The following C3orf70 variants were observed in gnomAD, a reference collection of about 807,000 sequenced individuals.
The protein encoded by C3orf70 is UPF0524 protein C3orf70.
Under a neutral mutation model 20.7 loss-of-function variants are expected in C3orf70, and 15 were observed. That is an observed-to-expected ratio of 0.72 (90% CI 0.48 to 1.11). The LOEUF is 1.11. Ranked by LOEUF, C3orf70 falls within the 50% of genes most tolerant of loss-of-function variation. The pLI, the probability that C3orf70 is intolerant of heterozygous loss-of-function variation, is 0.00. For synonymous variants in C3orf70, 161 were observed against 125.7 expected, an observed-to-expected ratio of 1.28 and a Z score of -1.88; for missense variants, 332 against 317.6, an observed-to-expected ratio of 1.05 and a Z score of -0.34.
intron 1 of C3orf70, among the ~76,000 whole-genome samples, chr3:185,140,114 T>C (rs1281957740): frequency 1.3e-5 from 2 of 152,228 alleles, no homozygotes; most frequent in Non-Finnish European, 2.9e-5. Flanking sequence ...GCCCTCGGTA[T>C]TCATGGGTTT....
chr3:185,147,189 A>T (rs193208303), intron 1 of C3orf70, among the ~76,000 whole-genome samples: 277 of 152,106 alleles, frequency 1.8e-3, no homozygotes, highest in African/African-American at 6.5e-3. Context: ...CCTGCTTTCA[A>T]CCTGAAACAG....
At chr3:185,109,472 G>A (rs1716017248) in intron 1 of C3orf70, among the ~76,000 whole-genome samples, 2 of 152,112 alleles carry the variant, frequency 1.3e-5, no homozygotes, top group African/African-American at 4.8e-5. Context: ...GCCATGTCGA[G>A]GCTGATGCTG....
At chr3:185,112,633 T>G (rs1716097192) in intron 1 of C3orf70, among the ~76,000 whole-genome samples, 1 of 152,340 alleles carries the variant, frequency 6.6e-6, no homozygotes, top group Admixed American at 6.5e-5. Flanking sequence ...ATGAAATATC[T>G]TTCTCACACA....
At chr3:185,111,967 T>C (rs143429266) in intron 1 of C3orf70, among the ~76,000 whole-genome samples, 8 of 152,214 alleles carry the variant, frequency 5.3e-5, no homozygotes, top group East Asian at 3.9e-4. Context: ...AACAAAGAGA[T>C]AGAAAATACT....
intron 1 of C3orf70, among the ~76,000 whole-genome samples, chr3:185,114,461 C>A (rs1182028684): frequency 6.6e-6 from 1 of 152,022 alleles, no homozygotes; most frequent in African/African-American, 2.4e-5. Flanking sequence ...CTAAGAAGCC[C>A]AGCTCAAGGT....
chr3:185,107,376 T>A (rs947906398), intron 1 of C3orf70, among the ~76,000 whole-genome samples: 1 of 152,130 alleles, frequency 6.6e-6, no homozygotes, highest in African/African-American at 2.4e-5. Context: ...TCCAGAACAA[T>A]TATATAGCCC....
At chr3:185,118,044 T>C (rs1215453828) in intron 1 of C3orf70, among the ~76,000 whole-genome samples, 1 of 152,206 alleles carries the variant, frequency 6.6e-6, no homozygotes, top group East Asian at 1.9e-4. Context: ...TTTACAATTT[T>C]TTGTGATTAT....
At chr3:185,093,504 G>A (rs1193583267) in intron 1 of C3orf70, among the ~76,000 whole-genome samples, 1 of 152,156 alleles carries the variant, frequency 6.6e-6, no homozygotes, top group Non-Finnish European at 1.5e-5. Flanking sequence ...ATTTTAACAA[G>A]CAACCACCAG....
At position 185,152,211 on chromosome 3, in the gene C3orf70, G is replaced by T. The variant is rs553292825; in HGVS notation, c.196+417C>A. Among the ~76,000 whole-genome samples the T allele has an allele frequency of 4.7e-4, 71 of 152,292 alleles. 2 individuals carry two copies. The South Asian group carries it at 0.015, about 32-fold the overall frequency. On this transcript the variant is annotated intron_variant, in intron 1 of 1. Coordinates refer to ENST00000335012, the MANE Select transcript of C3orf70 (RefSeq NM_001025266.3). The stretch of plus-strand genomic sequence containing the variant: ...ACAAAAGTGAGAAAGAAAAAGAGGA[G>T]CATCTTTAACCAGCAACCTTGAAAA...
In C3orf70 at chr3:185,146,169, T is replaced by C. The variant is rs549016305; in HGVS notation, c.196+6459A>G. Among the ~76,000 whole-genome samples the C allele has an allele frequency of 2.6e-5, 4 of 152,336 alleles. No individual in the cohort carries two copies. In the South Asian group the frequency reaches 6.2e-4, roughly 24 times the overall value. On this transcript the variant is annotated intron_variant, in intron 1 of 1. Transcript: ENST00000335012. ...TCTGGAAGAACCTATCAGCGTTCTCTATCTCTGGAAGAGCTTTGAGGAAAC... is the reference window on the plus strand; with the variant it reads ...TCTGGAAGAACCTATCAGCGTTCTCCATCTCTGGAAGAGCTTTGAGGAAAC...
chr3:185,142,990 T>C (rs1046883470), intron 1 of C3orf70, among the ~76,000 whole-genome samples: 1 of 152,192 alleles, frequency 6.6e-6, no homozygotes, highest in African/African-American at 2.4e-5. Context: ...TAAAGTTACC[T>C]AACAATAAAA....
intron 1 of C3orf70, among the ~76,000 whole-genome samples, chr3:185,119,171 T>C (rs1057064346): frequency 1.3e-5 from 2 of 152,166 alleles, no homozygotes; most frequent in Non-Finnish European, 2.9e-5. Context: ...TGACTACACA[T>C]TTGCCCACAT....
chr3:185,091,864 T>TTA (rs71162280), intron 1 of C3orf70, among the ~76,000 whole-genome samples: 8,965 of 124,438 alleles, frequency 0.072, 611 homozygotes, highest in South Asian at 0.12. Context: ...ATGTATTATA[T>TTA]TATATATATA....
At chr3:185,142,606 T>G (rs1256985650) in intron 1 of C3orf70, among the ~76,000 whole-genome samples, 3 of 152,184 alleles carry the variant, frequency 2.0e-5, no homozygotes, top group African/African-American at 7.2e-5. Flanking sequence ...CAGCCAATAC[T>G]AAAATCACTG....
At chr3:185,143,018 G>A (rs2108606707) in intron 1 of C3orf70, among the ~76,000 whole-genome samples, 1 of 152,236 alleles carries the variant, frequency 6.6e-6, no homozygotes, top group South Asian at 2.1e-4. Flanking sequence ...TATGAATCTT[G>A]ATTGACCCCT....
intron 1 of C3orf70, 86 bp from the exon 2 acceptor site, chr3:185,083,649 T>C: frequency 8.8e-7 from 1 of 1,138,156 alleles, no homozygotes; most frequent in Non-Finnish European, 1.2e-6. Flanking sequence ...ACTCAATGTC[T>C]TTAAAAATAT....
At position 185,152,757 on chromosome 3, in the gene C3orf70, C is replaced by A; in HGVS notation, c.67G>T (p.Ala23Ser). The A allele has an allele frequency of 1.3e-6, 2 of 1,591,212 alleles. No homozygotes were observed. The highest frequency in any genetic ancestry group is 1.7e-6 in the Non-Finnish European group (2 of 1,169,516). Residue 23 changes from alanine (A) to serine (S), a missense_variant, in exon 1 of 2, where the codon GCC becomes TCC. By Grantham distance (99) the Ala-to-Ser change is moderately conservative (BLOSUM62 1). Transcript: ENST00000335012. ...CGGGCGGCGCAACTCCGCGCCAGGG[C>A]CTGAGCCTCATCTAGTTTCTCGCTC... ...WKSEKLDEAQ[A>S]LARSCAARRP...
chr3:185,131,514 T>G (rs1397409879), intron 1 of C3orf70, among the ~76,000 whole-genome samples: 1 of 152,218 alleles, frequency 6.6e-6, no homozygotes, highest in Non-Finnish European at 1.5e-5. Context: ...AAACAAACTT[T>G]GAAACAACTT....
At chr3:185,112,946 T>C (rs1177283331) in intron 1 of C3orf70, among the ~76,000 whole-genome samples, 1 of 152,220 alleles carries the variant, frequency 6.6e-6, no homozygotes, top group Non-Finnish European at 1.5e-5. Context: ...TCAGTAAAAG[T>C]TCTCATGACA....
Sources: allele counts gnomAD v4.1 joint callset (sites outside exome capture counted in the v4.1 genomes callset), GRCh38; gene constraint gnomAD v4.1.1; transcripts MANE v1.5; gene names NCBI Gene and HGNC (gene_info 2026-07-23, HGNC 2026-07-21).